The following PSMA6 variants were observed in gnomAD, a reference collection of about 807,000 sequenced individuals.
The protein encoded by PSMA6 is proteasome 20S subunit alpha 6.
For missense variants in PSMA6, 170 were observed against 294.8 expected (o/e 0.58, Z 3.10); for synonymous variants, 88 against 97.7 (o/e 0.90, Z 0.59).
At chr14:35,289,695 G>T (rs189813945), upstream of PSMA6, among the ~76,000 whole-genome samples, 410 of 152,196 alleles carry the variant, frequency 2.7e-3, 2 homozygotes, top group African/African-American at 9.1e-3. Flanking sequence ...TAAGGCCAAA[G>T]GATCCCTTGA....
At chr14:35,310,533 T>G (rs56107680) in intron 3 of PSMA6, among the ~76,000 whole-genome samples, 3,599 of 152,306 alleles carry the variant, frequency 0.024, 59 homozygotes, top group Non-Finnish European at 0.033. Flanking sequence ...GGGAGTACTG[T>G]GTAGAGAGCT....
At position 35,292,432 on chromosome 14, in the gene PSMA6, G is replaced by T; in HGVS notation, c.-45G>T. 1 of 1,590,594 alleles carries T rather than the reference G, an allele frequency of 6.3e-7. No individual in the cohort carries two copies. The highest frequency in any genetic ancestry group is 1.1e-5 in the South Asian group (1 of 88,482). On this transcript the variant is annotated 5_prime_UTR_variant, in exon 1 of 7. Coordinates refer to ENST00000261479, the MANE Select transcript of PSMA6 (RefSeq NM_002791.3). ...AGGTGCTTGTGTGCCTGGTGCGGGA[G>T]CTACGGGGCCCAGGGATTGTGTTTA...
chr14:35,288,853 A>G (rs1396193433), upstream of PSMA6, among the ~76,000 whole-genome samples: 1 of 152,240 alleles, frequency 6.6e-6, no homozygotes, highest in Non-Finnish European at 1.5e-5. Context: ...GGACTGCTTA[A>G]GCCAAGCTTG....
At chr14:35,297,119 G>GTTTTTT (rs924383407) in intron 1 of PSMA6, among the ~76,000 whole-genome samples, 2 of 62,654 alleles carry the variant, frequency 3.2e-5, no homozygotes, top group African/African-American at 6.3e-5. Flanking sequence ...TCTTAACAAA[G>GTTTTTT]TTTTTTTTTT....
intron 4 of PSMA6, among the ~76,000 whole-genome samples, chr14:35,312,422 G>T (rs1351354506): frequency 1.3e-5 from 2 of 150,760 alleles, no homozygotes; most frequent in East Asian, 3.9e-4. Flanking sequence ...CAGGAGAATG[G>T]CGTGAACCCG....
Position 35,300,161 on chromosome 14 carries a change from G to A in PSMA6, c.76+7609G>A, listed in dbSNP as rs192258007. 2.5e-3 allele frequency among the ~76,000 whole-genome samples: 381 copies of A among 152,258 alleles called. 1 individual carries two copies. The highest frequency in any genetic ancestry group is 8.7e-3 in the African/African-American group (362 of 41,550). Reference sequence around the variant, plus strand: ...GCGAGGTAATTAAGTAAAATAATAGGAGAGTTGAGTGTAGAAATGGGATTA... The same window carrying A: ...GCGAGGTAATTAAGTAAAATAATAGAAGAGTTGAGTGTAGAAATGGGATTA... On this transcript the variant is annotated intron_variant, in intron 1 of 6. Transcript: ENST00000261479.
chr14:35,286,951 G>A (rs2051426978), intron 1 of PSMA6, among the ~76,000 whole-genome samples: 1 of 152,022 alleles, frequency 6.6e-6, no homozygotes, highest in Non-Finnish European at 1.5e-5. Flanking sequence ...CCTCATGTAA[G>A]TTGCCTCATG....
intron 3 of PSMA6, chr14:35,310,259 C>T: frequency 2.3e-6 from 1 of 426,604 alleles, no homozygotes; most frequent in South Asian, 1.7e-5. Context: ...TGGGTTCAAG[C>T]AATTCTCGTG....
rs575699176 is a variant in PSMA6 at position 35,283,404 on chromosome 14, G to A, written c.19+4686G>A. 5.3e-5 allele frequency among the ~76,000 whole-genome samples: 8 copies of A among 151,778 alleles called. No homozygotes were observed. In the South Asian group the frequency reaches 8.3e-4, roughly 16 times the overall value. On this transcript the variant is annotated intron_variant, in intron 1 of 6. Transcript: ENST00000540871. ...GAGAGAGAAAGAGAAAAAATACTTG[G>A]AGGAAAATGTCTGGAAGGAATAACA...
intron 1 of PSMA6, among the ~76,000 whole-genome samples, chr14:35,281,270 C>T (rs1044255456): frequency 7.2e-5 from 11 of 152,128 alleles, no homozygotes; most frequent in African/African-American, 2.4e-4. Context: ...CTCCTGTATA[C>T]CATAGTATTG....
intron 1 of PSMA6, among the ~76,000 whole-genome samples, chr14:35,281,764 A>T (rs892580699): frequency 2.0e-5 from 3 of 152,026 alleles, no homozygotes; most frequent in Admixed American, 6.6e-5. Context: ...TTAAAAAGAA[A>T]TTTTTTTTTA....
chr14:35,315,791 T>A (rs2052034283), intron 6 of PSMA6: 1 of 152,268 alleles, frequency 6.6e-6, no homozygotes, highest in Admixed American at 6.5e-5. Flanking sequence ...CTTTTCTGTT[T>A]GGAGACCTTC....
intron 1 of PSMA6, among the ~76,000 whole-genome samples, chr14:35,281,870 T>A (rs1263216434): frequency 3.3e-5 from 5 of 152,204 alleles, no homozygotes; most frequent in Non-Finnish European, 7.4e-5. Flanking sequence ...ATTACAGGCA[T>A]CAGCCACTAC....
intron 6 of PSMA6, 67 bp downstream of exon 6, chr14:35,314,522 A>G: frequency 6.9e-7 from 1 of 1,455,636 alleles, no homozygotes; most frequent in Non-Finnish European, 9.1e-7. Flanking sequence ...GTGTCCTATA[A>G]CTTGTGGGGG....
intron 1 of PSMA6, among the ~76,000 whole-genome samples, chr14:35,305,646 C>A (rs1469682225): frequency 6.6e-6 from 1 of 152,118 alleles, no homozygotes; most frequent in Non-Finnish European, 1.5e-5. Flanking sequence ...ACTCAGTGCC[C>A]AGAGTGACAC....
At chr14:35,307,043 G>A (rs1298503449) in intron 1 of PSMA6, among the ~76,000 whole-genome samples, 1 of 152,096 alleles carries the variant, frequency 6.6e-6, no homozygotes, top group Non-Finnish European at 1.5e-5. Flanking sequence ...AGCTACTCAG[G>A]AGGCTGAGGC....
intron 1 of PSMA6, among the ~76,000 whole-genome samples, chr14:35,296,512 G>C (rs1012997309): frequency 2.0e-5 from 3 of 151,848 alleles, no homozygotes; most frequent in Admixed American, 2.0e-4. Flanking sequence ...TGTATTTTTT[G>C]TAGAAACAGG....
intron 1 of PSMA6, among the ~76,000 whole-genome samples, chr14:35,285,461 C>CTT (rs2051413748): frequency 1.3e-5 from 2 of 152,034 alleles, no homozygotes; most frequent in South Asian, 4.2e-4. Flanking sequence ...TGATCAGAAA[C>CTT]CTCATTCATT....
intron 6 of PSMA6, chr14:35,315,307 G>A (rs374503483): frequency 2.0e-5 from 3 of 151,600 alleles, no homozygotes; most frequent in South Asian, 2.1e-4. Context: ...GAGGTTTTTC[G>A]TTTGTTCTTT....
Sources: gnomAD v4.1 joint callset for allele counts (sites outside exome capture counted in the v4.1 genomes callset) on GRCh38, gnomAD v4.1.1 for gene constraint, MANE v1.5 for transcripts, NCBI Gene and HGNC (gene_info 2026-07-23, HGNC 2026-07-21) for gene names.